Variants in TMEM196 observed in about 807,000 individuals in gnomAD.
TMEM196 encodes transmembrane protein 196.
In TMEM196, 17 loss-of-function variants were observed where a neutral mutation model predicts 20.0. The observed-to-expected ratio is 0.85, with a 90% confidence interval of 0.58 to 1.27. The LOEUF is 1.27. Ranked by LOEUF, TMEM196 falls within the 50% of genes most tolerant of loss-of-function variation. The pLI is 0.00. For missense variants in TMEM196, 267 were observed against 223.0 expected (o/e 1.20, Z -1.26); for synonymous variants, 113 against 88.9 (o/e 1.27, Z -1.52).
chr7:19,728,744 C>T (rs983183297), intron 2 of TMEM196, among the ~76,000 whole-genome samples: 2 of 152,126 alleles, frequency 1.3e-5, no homozygotes, highest in Admixed American at 6.5e-5. Context: ...TCATGAAAGG[C>T]GATGGGGAAT....
chr7:19,752,511 A>G (rs925419695), intron 1 of TMEM196, among the ~76,000 whole-genome samples: 2 of 152,102 alleles, frequency 1.3e-5, no homozygotes, highest in Non-Finnish European at 2.9e-5. Context: ...TAGTTTCTCT[A>G]ATATCACTCA....
intron 1 of TMEM196, among the ~76,000 whole-genome samples, chr7:19,770,618 A>G (rs1478178638): frequency 6.6e-6 from 1 of 152,200 alleles, no homozygotes; most frequent in Non-Finnish European, 1.5e-5. Context: ...TGAATCAGAC[A>G]ATAGAATTCA....
At position 19,721,062 on chromosome 7, in the gene TMEM196, G is replaced by A. The variant is rs562027112; in HGVS notation, c.*1066C>T. On this transcript the variant is annotated 3_prime_UTR_variant, in exon 5 of 5. Coordinates refer to ENST00000405844, the MANE Select transcript of TMEM196 (RefSeq NM_001363562.2). ...TCATAGTGAAATAGTCAAATAAGTA[G>A]TCTATCTGTATACTACACTATTCAG... 6.6e-5 allele frequency: 10 copies of A among 151,848 alleles called. No individual in the cohort carries two copies. The highest frequency in any genetic ancestry group is 9.6e-5 in the African/African-American group (4 of 41,470). The allele number at this position is 151,848 out of a possible 1,614,324, so 9.4% of individuals were successfully genotyped here.
chr7:19,723,710 A>G (rs1241730065), intron 4 of TMEM196, among the ~76,000 whole-genome samples: 1 of 152,140 alleles, frequency 6.6e-6, no homozygotes, highest in Non-Finnish European at 1.5e-5. Context: ...TATCCATGTG[A>G]CTTTCTGTCT....
At chr7:19,725,904 G>T in intron 2 of TMEM196, 136 bp from the exon 3 acceptor site, 2 of 1,042,848 alleles carry the variant, frequency 1.9e-6, no homozygotes, top group Middle Eastern at 3.2e-4. Flanking sequence ...CTTCACAGAG[G>T]ACAGGAGATT....
At chr7:19,730,002 A>T (rs1448407530) in intron 1 of TMEM196, among the ~76,000 whole-genome samples, 1 of 152,188 alleles carries the variant, frequency 6.6e-6, no homozygotes, top group Non-Finnish European at 1.5e-5. Context: ...CACACCTGTA[A>T]TCCCAGTACT....
At chr7:19,752,283 G>A (rs765317701) in intron 1 of TMEM196, among the ~76,000 whole-genome samples, 62 of 152,226 alleles carry the variant, frequency 4.1e-4, no homozygotes, top group Non-Finnish European at 3.1e-4. Context: ...TCTCAATCCT[G>A]TTTCCACTCA....
At chr7:19,743,470 C>A (rs1255892423) in intron 1 of TMEM196, among the ~76,000 whole-genome samples, 1 of 152,140 alleles carries the variant, frequency 6.6e-6, no homozygotes, top group African/African-American at 2.4e-5. Context: ...TAGCCATGCT[C>A]TCTCTGTTTG....
intron 3 of TMEM196, among the ~76,000 whole-genome samples, chr7:19,724,748 A>G (rs944645021): frequency 3.3e-5 from 5 of 152,318 alleles, no homozygotes; most frequent in African/African-American, 1.2e-4. Context: ...TTTCCATGAT[A>G]TGAAGCAAAA....
intron 1 of TMEM196, among the ~76,000 whole-genome samples, chr7:19,744,260 A>G (rs1239285185): frequency 6.6e-6 from 1 of 152,186 alleles, no homozygotes; most frequent in Non-Finnish European, 1.5e-5. Context: ...TCACTGATTC[A>G]TTTATTCATT....
chr7:19,733,633 C>T (rs1413832406), intron 1 of TMEM196, among the ~76,000 whole-genome samples: 1 of 146,116 alleles, frequency 6.8e-6, no homozygotes, highest in Non-Finnish European at 1.5e-5. Flanking sequence ...GCCACTCTAA[C>T]TGGAGGAAAA....
chr7:19,765,767 C>G (rs911463560), intron 1 of TMEM196, among the ~76,000 whole-genome samples: 12 of 152,166 alleles, frequency 7.9e-5, no homozygotes, highest in Admixed American at 7.9e-4. Context: ...TAAGTATTTA[C>G]AAAACTTTTC....
chr7:19,736,715 G>T (rs559639205), intron 1 of TMEM196, among the ~76,000 whole-genome samples: 1 of 151,898 alleles, frequency 6.6e-6, no homozygotes, highest in East Asian at 1.9e-4. Context: ...CTCTCACTGA[G>T]ATATCAATAA....
At chr7:19,762,303 TAATG>T (rs1329583582) in intron 1 of TMEM196, among the ~76,000 whole-genome samples, 1 of 151,988 alleles carries the variant, frequency 6.6e-6, no homozygotes, top group East Asian at 1.9e-4. Context: ...TAGTCAAATA[TAATG>T]AATAAATAAA....
chr7:19,765,069 TC>T (rs2128039315), intron 1 of TMEM196, among the ~76,000 whole-genome samples: 1 of 152,310 alleles, frequency 6.6e-6, no homozygotes, highest in South Asian at 2.1e-4. Flanking sequence ...AGTTCCTTTT[TC>T]TACTTAAACT....
At chr7:19,763,406 T>C (rs537581852) in intron 1 of TMEM196, among the ~76,000 whole-genome samples, 140 of 152,294 alleles carry the variant, frequency 9.2e-4, no homozygotes, top group South Asian at 8.3e-4. Flanking sequence ...CCAAAAACCC[T>C]GCCAAATATA....
chr7:19,743,876 A>G (rs1202322379), intron 1 of TMEM196, among the ~76,000 whole-genome samples: 1 of 152,200 alleles, frequency 6.6e-6, no homozygotes, highest in Non-Finnish European at 1.5e-5. Flanking sequence ...GGAGACTTAT[A>G]TAATTGAAAA....
rs563889691 is a variant in TMEM196 at position 19,724,247 on chromosome 7, T to G, written c.533+33A>C. 11 of 1,542,960 alleles carry G rather than the reference T, an allele frequency of 7.1e-6. No homozygotes were observed. In the African/African-American group the frequency reaches 1.4e-4, roughly 19 times the overall value. ...GGGGAAGTGCTTTCTGCAGCGACAT[T>G]ACAACATGGTAACTCCCTAGAAATC... On this transcript the variant is annotated intron_variant, in intron 4 of 4. Coordinates refer to ENST00000405844, the MANE Select transcript of TMEM196 (RefSeq NM_001363562.2).
intron 1 of TMEM196, among the ~76,000 whole-genome samples, chr7:19,763,527 C>A (rs1028024109): frequency 6.6e-6 from 1 of 152,010 alleles, no homozygotes; most frequent in Non-Finnish European, 1.5e-5. Context: ...ACATGCACAC[C>A]AAATCACAAC....
Sources: gnomAD v4.1 joint callset for allele counts (sites outside exome capture counted in the v4.1 genomes callset) on GRCh38, gnomAD v4.1.1 for gene constraint, MANE v1.5 for transcripts, NCBI Gene and HGNC (gene_info 2026-07-23, HGNC 2026-07-21) for gene names.